Variants in STIM2 observed in about 807,000 individuals in gnomAD.
STIM2 encodes the protein stromal interaction molecule 2.
A neutral mutation model predicts 85.8 loss-of-function variants in STIM2; 31 were observed. That is an observed-to-expected ratio of 0.36 (90% CI 0.27 to 0.49). The LOEUF (loss-of-function observed/expected upper bound fraction) is 0.49. Among genes scored for constraint, STIM2 ranks in the 20% least tolerant of loss-of-function variants. The pLI is 0.98. For missense variants in STIM2, 841 were observed against 927.6 expected (o/e 0.91, Z 1.21); for synonymous variants, 356 against 331.1 (o/e 1.08, Z -0.82).
intron 3 of STIM2, among the ~76,000 whole-genome samples, chr4:26,990,037 A>T (rs1727708584): frequency 6.6e-6 from 1 of 152,154 alleles, no homozygotes; most frequent in Admixed American, 6.6e-5. Context: ...ACCTAAAGTG[A>T]TCTACAGATT....
intron 2 of STIM2, among the ~76,000 whole-genome samples, chr4:26,920,905 G>A (rs1487015238): frequency 6.6e-6 from 1 of 152,178 alleles, no homozygotes; most frequent in Non-Finnish European, 1.5e-5. Flanking sequence ...TTCTTCTAAA[G>A]TAGATGTTGG....
chr4:27,017,931 T>A lies in STIM2; in HGVS notation c.1710T>A (p.Leu570=), dbSNP rs1341995759. 16 of 1,613,962 alleles carry A rather than the reference T, an allele frequency of 9.9e-6. No homozygotes were observed. The highest frequency in any genetic ancestry group is 1.4e-5 in the Non-Finnish European group (16 of 1,180,024). Residue 570 remains leucine (L), a synonymous_variant, in exon 11 of 12, where the codon CTT becomes CTA. Transcript: ENST00000467087. ...TCTCAGTGTCAAGTTGCCCTGCGCT[T>A]TATCGAAATGAAGAGGAGGAAGAGG...
At chr4:26,977,163 C>T (rs969947437) in intron 3 of STIM2, among the ~76,000 whole-genome samples, 1 of 152,084 alleles carries the variant, frequency 6.6e-6, no homozygotes, top group Non-Finnish European at 1.5e-5. Context: ...GAAGTATATT[C>T]CAGGTTTAGG....
At chr4:26,973,756 G>A (rs530453355) in intron 3 of STIM2, among the ~76,000 whole-genome samples, 2 of 152,098 alleles carry the variant, frequency 1.3e-5, no homozygotes, top group Non-Finnish European at 2.9e-5. Flanking sequence ...TATTAGGTCC[G>A]CTTGGTGCAG....
At chr4:26,900,272 A>C (rs1723869290) in intron 1 of STIM2, among the ~76,000 whole-genome samples, 1 of 152,180 alleles carries the variant, frequency 6.6e-6, no homozygotes, top group African/African-American at 2.4e-5. Context: ...GCCTTTCTTC[A>C]AATGAAATAC....
rs897568973 is a variant in STIM2, at chr4:26,956,848, C to T, written c.283-764C>T. On this transcript the variant is annotated intron_variant, in intron 2 of 11. Coordinates refer to ENST00000467087, the MANE Select transcript of STIM2 (RefSeq NM_020860.4). ...CAAATGGCTTGCGTTGGAATTTCAG[C>T]TCGATATTCATTATTTTTTCAACCT... is the stretch of plus-strand genomic sequence containing the variant. 3.3e-5 allele frequency among the ~76,000 whole-genome samples: 5 copies of T among 152,034 alleles called. No homozygotes were observed. In the South Asian group the frequency reaches 1.0e-3, roughly 32 times the overall value.
chr4:26,978,384 C>T (rs1041665035), intron 3 of STIM2, among the ~76,000 whole-genome samples: 1 of 150,854 alleles, frequency 6.6e-6, no homozygotes, highest in Non-Finnish European at 1.5e-5. Context: ...ATCAAACTAT[C>T]TTAATTTAAA....
intron 10 of STIM2, among the ~76,000 whole-genome samples, chr4:27,015,574 T>C (rs1349861507): frequency 6.6e-6 from 1 of 152,062 alleles, no homozygotes; most frequent in African/African-American, 2.4e-5. Flanking sequence ...ATAATGTAAC[T>C]AGATATAAAA....
At chr4:26,997,346 CA>C (rs923472087) in intron 4 of STIM2, among the ~76,000 whole-genome samples, 8 of 152,116 alleles carry the variant, frequency 5.3e-5, no homozygotes, top group Non-Finnish European at 5.9e-5. Flanking sequence ...TAAAGGTAGC[CA>C]AAACTATGTT....
chr4:26,957,342 A>G (rs915348436), intron 2 of STIM2, among the ~76,000 whole-genome samples: 4 of 152,166 alleles, frequency 2.6e-5, no homozygotes, highest in African/African-American at 9.7e-5. Flanking sequence ...TATTTGTTAT[A>G]TAACTTAGAA....
chr4:27,001,991 G>A (rs113020813), intron 5 of STIM2, among the ~76,000 whole-genome samples: 7 of 152,260 alleles, frequency 4.6e-5, no homozygotes, highest in African/African-American at 1.7e-4. Flanking sequence ...GGCGTGGTGT[G>A]TCTATATGGG....
chr4:26,901,626 C>T (rs540500868), intron 1 of STIM2, among the ~76,000 whole-genome samples: 80 of 152,202 alleles, frequency 5.3e-4, no homozygotes, highest in African/African-American at 1.9e-3. Context: ...TTTTCTAGAA[C>T]TATTTATTAT....
At chr4:26,880,475 T>G (rs1722962680) in intron 1 of STIM2, among the ~76,000 whole-genome samples, 1 of 151,822 alleles carries the variant, frequency 6.6e-6, no homozygotes, top group Non-Finnish European at 1.5e-5. Flanking sequence ...CACAGAAATA[T>G]AAGCTGTAAA....
chr4:27,009,123 CTCTT>C (rs1340532669), intron 10 of STIM2, 121 bp downstream of exon 10: 5 of 757,530 alleles, frequency 6.6e-6, no homozygotes, highest in Middle Eastern at 2.7e-4. Context: ...CCTTCATTTT[CTCTT>C]TCTTTTTGTT....
intron 10 of STIM2, among the ~76,000 whole-genome samples, chr4:27,016,030 G>A (rs1430113669): frequency 6.6e-6 from 1 of 151,796 alleles, no homozygotes; most frequent in Non-Finnish European, 1.5e-5. Flanking sequence ...TATCTATGCT[G>A]CATTTAGAGA....
intron 2 of STIM2, among the ~76,000 whole-genome samples, chr4:26,950,729 T>G (rs1470431617): frequency 6.6e-6 from 1 of 152,156 alleles, no homozygotes; most frequent in African/African-American, 2.4e-5. Flanking sequence ...CAGCACAAAA[T>G]GGACTAAGAC....
At position 26,921,414 on chromosome 4, in the gene STIM2, G is replaced by A. The variant is rs1406685745; in HGVS notation, c.282+1780G>A. On this transcript the variant is annotated intron_variant, in intron 2 of 11. Transcript: ENST00000467087. ...CTATAATGAATGGAAACGAATACAGGCCAGTTGGCAAATTATTTAGCTTTA... is the reference window on the plus strand; with the variant it reads ...CTATAATGAATGGAAACGAATACAGACCAGTTGGCAAATTATTTAGCTTTA... Among the ~76,000 whole-genome samples, 4 of 152,174 alleles carry A rather than the reference G, an allele frequency of 2.6e-5. No individual in the cohort carries two copies. In the East Asian group the frequency reaches 5.8e-4, roughly 22 times the overall value.
At chr4:26,972,002 G>T (rs1378570971) in intron 3 of STIM2, among the ~76,000 whole-genome samples, 1 of 151,988 alleles carries the variant, frequency 6.6e-6, no homozygotes, top group East Asian at 1.9e-4. Context: ...CTTTGAAGCA[G>T]TTGTGAATGG....
intron 1 of STIM2, among the ~76,000 whole-genome samples, chr4:26,873,306 A>T (rs1391385513): frequency 6.6e-6 from 1 of 150,794 alleles, no homozygotes; most frequent in East Asian, 1.9e-4. Context: ...GGCAGGAAAA[A>T]CTCACTTGAA....
Sources: allele counts gnomAD v4.1 joint callset (sites outside exome capture counted in the v4.1 genomes callset), GRCh38; gene constraint gnomAD v4.1.1; transcripts MANE v1.5; gene names NCBI Gene and HGNC (gene_info 2026-07-23, HGNC 2026-07-21).